The following FABP7 variants were observed in gnomAD, a reference collection of about 807,000 sequenced individuals.
The protein encoded by FABP7 is fatty acid binding protein 7, also known as fatty acid-binding protein, brain.
In FABP7, 13 loss-of-function variants were observed where a neutral mutation model predicts 14.2. That is an observed-to-expected ratio of 0.91 (90% CI 0.59 to 1.45). The LOEUF (loss-of-function observed/expected upper bound fraction) is 1.45. FABP7 is among the 40% of genes most tolerant of loss of function. The pLI, the probability that FABP7 is intolerant of heterozygous loss-of-function variation, is 0.00. For synonymous variants in FABP7, 49 were observed against 51.4 expected, an observed-to-expected ratio of 0.95 and a Z score of 0.20; for missense variants, 149 against 157.6, an observed-to-expected ratio of 0.95 and a Z score of 0.29.
chr6:122,774,364 A>G, the FABP7 span, among the ~76,000 whole-genome samples: 9 of 46,120 alleles, frequency 2.0e-4, no homozygotes, highest in African/African-American at 3.4e-4. Context: ...TCTGTCAAAA[A>G]AAAAAAAAAA....
chr6:122,770,970 C>A, the FABP7 span, among the ~76,000 whole-genome samples: 2 of 152,170 alleles, frequency 1.3e-5, no homozygotes, highest in African/African-American at 4.8e-5. Flanking sequence ...GTGCAATATA[C>A]TTGTGTAAGA....
chr6:122,775,896 G>A (rs1780665507), upstream of FABP7, among the ~76,000 whole-genome samples: 1 of 151,856 alleles, frequency 6.6e-6, no homozygotes. Flanking sequence ...GATCTGAATA[G>A]ACATTTCTCA....
In FABP7 at chr6:122,780,484, C is replaced by A. The variant is rs749230119; in HGVS notation, c.246+21C>A. 6 of 1,604,962 alleles carry A rather than the reference C, an allele frequency of 3.7e-6. No homozygotes were observed. In the Admixed American group the frequency reaches 1.0e-4, roughly 28 times the overall value. ...GTAAGGTGAGAAACTGCTTCTTCTT[C>A]AGAGTGGGGATGGGGAGAGGGGAAT... On this transcript the variant is annotated intron_variant, in intron 2 of 3. Coordinates refer to ENST00000368444, the MANE Select transcript of FABP7 (RefSeq NM_001446.5).
chr6:122,778,432 C>G (rs967774891), upstream of FABP7, among the ~76,000 whole-genome samples: 2 of 152,118 alleles, frequency 1.3e-5, no homozygotes, highest in East Asian at 3.9e-4. Flanking sequence ...CGCCACCTAG[C>G]GTAGGAGGCC....
At chr6:122,757,218 G>GA in the FABP7 span, among the ~76,000 whole-genome samples, 1 of 152,094 alleles carries the variant, frequency 6.6e-6, no homozygotes, top group Non-Finnish European at 1.5e-5. Context: ...GAGAGATACT[G>GA]ATTTACCCCT....
the FABP7 span, among the ~76,000 whole-genome samples, chr6:122,762,503 C>A: frequency 6.6e-6 from 1 of 152,176 alleles, no homozygotes; most frequent in Non-Finnish European, 1.5e-5. Flanking sequence ...GCCTCTCTCA[C>A]CACTCCTATT....
At position 122,781,129 on chromosome 6, in the gene FABP7, A is replaced by C. The variant is rs750257199; in HGVS notation, c.283A>C (p.Ile95Leu). 1.4e-5 allele frequency: 22 copies of C among 1,614,010 alleles called. No individual in the cohort carries two copies. In the South Asian group the frequency reaches 2.4e-4, roughly 18 times the overall value. ...VSLDGDKLVH[I>L]QKWDGKETNF... is the part of the protein sequence containing the mutation. Reference sequence around the variant, plus strand: ...CCTGGATGGAGACAAACTTGTTCACATACAGAAATGGGATGGCAAAGAAAC... The same window carrying C: ...CCTGGATGGAGACAAACTTGTTCACCTACAGAAATGGGATGGCAAAGAAAC... Residue 95 changes from isoleucine to leucine, a missense_variant, in exon 3 of 4, where the codon ATA (isoleucine) becomes CTA (leucine). Coordinates refer to ENST00000368444, the MANE Select transcript of FABP7 (RefSeq NM_001446.5).
chr6:122,781,472 G>A, intron 3 of FABP7: 1 of 1,370,492 alleles, frequency 7.3e-7, no homozygotes, highest in South Asian at 2.0e-5. Flanking sequence ...GCCTAAAACT[G>A]TGTCAAAAGA....
chr6:122,762,173 A>T, the FABP7 span, among the ~76,000 whole-genome samples: 51 of 152,352 alleles, frequency 3.3e-4, 2 homozygotes, highest in East Asian at 9.8e-3. Context: ...CCAGCAGCAC[A>T]TCAAAAAGCG....
the FABP7 span, among the ~76,000 whole-genome samples, chr6:122,761,343 G>C: frequency 6.6e-6 from 1 of 152,286 alleles, no homozygotes; most frequent in South Asian, 2.1e-4. Context: ...ATGATCCAGA[G>C]TAACACTGTG....
At chr6:122,770,460 G>A in the FABP7 span, among the ~76,000 whole-genome samples, 1 of 152,204 alleles carries the variant, frequency 6.6e-6, no homozygotes, top group Admixed American at 6.5e-5. Context: ...ATTAGTAGTA[G>A]CATCAGTGGT....
At chr6:122,766,851 G>A in the FABP7 span, among the ~76,000 whole-genome samples, 282 of 152,040 alleles carry the variant, frequency 1.9e-3, 2 homozygotes, top group African/African-American at 6.0e-3. Flanking sequence ...TTAATTGCAC[G>A]TTTTATGATC....
chr6:122,774,780 A>AT (rs1411531435), upstream of FABP7, among the ~76,000 whole-genome samples: 2 of 152,080 alleles, frequency 1.3e-5, no homozygotes, highest in Non-Finnish European at 2.9e-5. Flanking sequence ...CCAAAAAAAA[A>AT]AAAAAGGTTA....
chr6:122,772,309 G>A, the FABP7 span, among the ~76,000 whole-genome samples: 2 of 152,058 alleles, frequency 1.3e-5, no homozygotes, highest in Non-Finnish European at 2.9e-5. Flanking sequence ...CTAGAAGCAG[G>A]CTAAGAATGG....
intron 3 of FABP7, chr6:122,782,527 A>G (rs1056459250): frequency 1.0e-6 from 1 of 982,940 alleles, no homozygotes; most frequent in Non-Finnish European, 1.2e-6. Context: ...ATGATGGAGT[A>G]GTATCACAAA....
the FABP7 span, among the ~76,000 whole-genome samples, chr6:122,771,070 G>T: frequency 2.6e-5 from 4 of 152,164 alleles, no homozygotes; most frequent in African/African-American, 4.8e-5. Context: ...GTGTGGTTTT[G>T]GAATCAGTAC....
chr6:122,782,170 C>T (rs1780806454), intron 3 of FABP7: 36 of 982,940 alleles, frequency 3.7e-5, no homozygotes, highest in Non-Finnish European at 4.3e-5. Flanking sequence ...TTTCAATCAG[C>T]CTCTTCTTAC....
At chr6:122,756,140 G>A in the FABP7 span, among the ~76,000 whole-genome samples, 2 of 152,114 alleles carry the variant, frequency 1.3e-5, no homozygotes, top group Non-Finnish European at 2.9e-5. Context: ...CTGGAGACAT[G>A]AGTAAACAAG....
At chr6:122,757,136 G>T in the FABP7 span, among the ~76,000 whole-genome samples, 3 of 152,118 alleles carry the variant, frequency 2.0e-5, no homozygotes, top group Non-Finnish European at 4.4e-5. Context: ...ACTCCAGACT[G>T]CTATATTCAA....
Sources: gnomAD v4.1 joint callset for allele counts (sites outside exome capture counted in the v4.1 genomes callset) on GRCh38, gnomAD v4.1.1 for gene constraint, MANE v1.5 for transcripts, NCBI Gene and HGNC (gene_info 2026-07-23, HGNC 2026-07-21) for gene names.